Variants in NWD1 observed in about 807,000 individuals in gnomAD.
NWD1 encodes NACHT domain- and WD repeat-containing protein 1.
Under a neutral mutation model 135.1 loss-of-function variants are expected in NWD1, and 129 were observed. The ratio of observed to expected loss-of-function variants is 0.96; its 90% CI spans 0.83 to 1.11. The LOEUF is 1.11. NWD1 is among the 50% of genes least tolerant of loss of function. The pLI is 0.00. For synonymous variants in NWD1, 773 were observed against 786.0 expected, an observed-to-expected ratio of 0.98 and a Z score of 0.28; for missense variants, 1,740 against 1,851.3, an observed-to-expected ratio of 0.94 and a Z score of 1.10.
At position 16,762,088 on chromosome 19, in the gene NWD1, A is replaced by G. The variant is rs762564679; in HGVS notation, c.2083A>G (p.Lys695Glu). Reference sequence around the variant, plus strand: ...AGGGACCTGGAGCCAGGGTACCAAGAAGCTCATCACTCTGCCACTTGTGGG... The same window carrying G: ...AGGGACCTGGAGCCAGGGTACCAAGGAGCTCATCACTCTGCCACTTGTGGG... ...FSGTWSQGTKKLITLPLVGKP... is the reference protein window; with the variant it reads ...FSGTWSQGTKELITLPLVGKP... The change falls in exon 8 of 19, where the codon AAG (lysine) becomes GAG (glutamate). Residue 695 changes from lysine (K) to glutamate (E), a missense_variant. Transcript: ENST00000524140. 6.2e-7 allele frequency: 1 copy of G among 1,613,992 alleles called. No individual in the cohort carries two copies. Among genetic ancestry groups the G allele is most frequent in the Non-Finnish European group, 8.5e-7 (1 of 1,179,968 alleles).
chr19:16,742,915 T>TATTATC (rs1376284560), intron 4 of NWD1, among the ~76,000 whole-genome samples: 1 of 144,974 alleles, frequency 6.9e-6, no homozygotes, highest in Non-Finnish European at 1.5e-5. Context: ...TTATTATTAT[T>TATTATC]ATTATTATTT....
intron 1 of NWD1, 122 bp from the exon 2 acceptor site, chr19:16,724,244 T>C (rs1381328383): frequency 6.6e-6 from 1 of 152,216 alleles, no homozygotes; most frequent in Non-Finnish European, 1.5e-5. Context: ...CCAACCGCCT[T>C]GTTGATGTTT....
chr19:16,765,215 G>A (rs750042903), intron 10 of NWD1, 23 bp downstream of exon 10: 11 of 1,611,244 alleles, frequency 6.8e-6, no homozygotes, highest in African/African-American at 1.3e-5. Context: ...GGCCTGGATA[G>A]GAGTGACCAG....
At position 16,815,327 on chromosome 19, in the gene NWD1, T is replaced by TA; in HGVS notation, c.*295dup. Reference sequence around the variant, plus strand: ...ATGCTCACAAGTGTGCCTGATAGTGTAAAAAAATAAAAATAAAAAAACCCT... The same window carrying TA: ...ATGCTCACAAGTGTGCCTGATAGTGTAAAAAAAATAAAAATAAAAAAACCCT... On this transcript the variant is annotated 3_prime_UTR_variant, in exon 19 of 19. Coordinates refer to ENST00000524140, the MANE Select transcript of NWD1 (RefSeq NM_001007525.5). The TA allele has an allele frequency of 2.7e-6, 2 of 752,254 alleles. No homozygotes were observed. The highest frequency in any genetic ancestry group is 4.9e-5 in the East Asian group (2 of 40,872). The allele number at this position is 752,254 out of a possible 1,614,324, so 46.6% of individuals were successfully genotyped here.
rs1255951965 is a variant in NWD1 at position 16,735,855 on chromosome 19, AAGGAAGGAAGG to A, written c.82-766_82-756del. Among the ~76,000 whole-genome samples the A allele has an allele frequency of 2.5e-3, 132 of 52,376 alleles. 1 individual carries two copies. The highest frequency in any genetic ancestry group is 0.013 in the African/African-American group (115 of 8,920). The allele number at this position is 52,376 out of a possible 152,430, so 34.4% of individuals were successfully genotyped here. A position where few individuals can be genotyped will look rare whatever the true frequency, so the allele number is the denominator to read the frequency against. Reference sequence around the variant, plus strand: ...GAAGGAAGGAAGGAAGGAAGGAAGGAAGGAAGGAAGGAGGAAGGAAGGAAGGAAGGAAGGAA... The same window carrying A: ...GAAGGAAGGAAGGAAGGAAGGAAGGAAGGAAGGAAGGAAGGAAGGAAGGAA... On this transcript the variant is annotated intron_variant, in intron 3 of 18. Coordinates refer to ENST00000524140, the MANE Select transcript of NWD1 (RefSeq NM_001007525.5).
intron 1 of NWD1, among the ~76,000 whole-genome samples, chr19:16,723,626 A>C (rs10414525): frequency 0.43 from 65,748 of 151,896 alleles, 14,411 homozygotes; most frequent in Middle Eastern, 0.6. Context: ...GGCTGATTTT[A>C]ATTTATATCC....
chr19:16,785,923 G>T (rs577207852), intron 12 of NWD1, among the ~76,000 whole-genome samples: 1 of 151,974 alleles, frequency 6.6e-6, no homozygotes, highest in South Asian at 2.1e-4. Context: ...GGAGTGCAAT[G>T]ACATGATCTT....
intron 18 of NWD1, among the ~76,000 whole-genome samples, chr19:16,813,440 C>G (rs1347528507): frequency 6.6e-6 from 1 of 151,816 alleles, no homozygotes; most frequent in Non-Finnish European, 1.5e-5. Flanking sequence ...CATTCTTTGC[C>G]CCCGCCTTAT....
At chr19:16,812,989 C>T in intron 18 of NWD1, 1 of 654,126 alleles carries the variant, frequency 1.5e-6, no homozygotes, top group Non-Finnish European at 2.8e-6. Context: ...TGTCTGCAGG[C>T]AAAGGCAAAG....
chr19:16,758,082 C>T (rs1281700677), intron 6 of NWD1, among the ~76,000 whole-genome samples: 1 of 150,910 alleles, frequency 6.6e-6, no homozygotes, highest in Non-Finnish European at 1.5e-5. Flanking sequence ...GGAAAGAGTA[C>T]AGTGTTGGGT....
chr19:16,786,719 G>A (rs977472701), intron 12 of NWD1, among the ~76,000 whole-genome samples: 4 of 151,762 alleles, frequency 2.6e-5, no homozygotes, highest in Non-Finnish European at 4.4e-5. Flanking sequence ...GCTAACTTTC[G>A]TATTTTTAGT....
chr19:16,795,726 C>A (rs1055970612), intron 15 of NWD1, among the ~76,000 whole-genome samples: 7 of 152,088 alleles, frequency 4.6e-5, no homozygotes, highest in Non-Finnish European at 1.0e-4. Flanking sequence ...CTAATTTGCT[C>A]TTTTAGTTCC....
At position 16,807,615 on chromosome 19, in the gene NWD1, A is replaced by G; in HGVS notation, c.3766A>G (p.Ser1256Gly). 6.5e-7 allele frequency: 1 copy of G among 1,538,378 alleles called. No individual in the cohort carries two copies. Among genetic ancestry groups the G allele is most frequent in the Non-Finnish European group, 8.7e-7 (1 of 1,144,206 alleles). Residue 1256 changes from serine to glycine, a missense_variant, in exon 18 of 19, where the codon AGT becomes GGT. Coordinates refer to ENST00000524140, the MANE Select transcript of NWD1 (RefSeq NM_001007525.5). ...GGAACAAGATTCCCTGGACACCTCC[A>G]GTGAGATCAGGTGTCTGGAGGTTGC... is the stretch of plus-strand genomic sequence containing the variant. ...GEEQDSLDTS[S>G]EIRCLEVAEQ...
At chr19:16,768,126 C>G (rs527649177) in intron 10 of NWD1, among the ~76,000 whole-genome samples, 1 of 151,802 alleles carries the variant, frequency 6.6e-6, no homozygotes, top group African/African-American at 2.4e-5. Context: ...TCCAGAGTAG[C>G]TGGGATTACA....
intron 9 of NWD1, among the ~76,000 whole-genome samples, chr19:16,764,524 C>T (rs182109846): frequency 3.3e-5 from 5 of 151,944 alleles, no homozygotes; most frequent in Admixed American, 1.3e-4. Context: ...TCCATCCATC[C>T]ATCATTCTAT....
At position 16,736,694 on chromosome 19, in the gene NWD1, C is replaced by T. The variant is rs762324791; in HGVS notation, c.142C>T (p.Leu48Phe). The change falls in exon 4 of 19, where the codon CTC becomes TTC. Residue 48 changes from leucine to phenylalanine, a missense_variant. Physicochemically the swap from Leu to Phe is conservative, Grantham distance 22. Coordinates refer to ENST00000524140, the MANE Select transcript of NWD1 (RefSeq NM_001007525.5). ...AGCCACTGACCACTTGACCACAGAACTCTGCTTGGAGGAGGTTGACCGGTG... is the reference window on the plus strand; with the variant it reads ...AGCCACTGACCACTTGACCACAGAATTCTGCTTGGAGGAGGTTGACCGGTG... Reference protein sequence around the residue: ...IEATDHLTTELCLEEVDRCWK... With the variant: ...IEATDHLTTEFCLEEVDRCWK... The T allele has an allele frequency of 4.6e-6, 7 of 1,536,346 alleles. No homozygotes were observed. The highest frequency in any genetic ancestry group is 6.1e-6 in the Non-Finnish European group (7 of 1,146,908).
At chr19:16,756,145 T>A (rs59213967) in intron 6 of NWD1, among the ~76,000 whole-genome samples, 6,658 of 152,098 alleles carry the variant, frequency 0.044, 481 homozygotes, top group African/African-American at 0.15. Context: ...TCCAGCTACT[T>A]GGGAGGCTGA....
At position 16,749,660 on chromosome 19, in the gene NWD1, T is replaced by C; in HGVS notation, c.1018T>C (p.Phe340Leu). 1 of 1,602,258 alleles carries C rather than the reference T, an allele frequency of 6.2e-7. No homozygotes were observed. The highest frequency in any genetic ancestry group is 1.7e-4 in the Middle Eastern group (1 of 6,006). The change falls in exon 6 of 19, where the codon TTT (phenylalanine) becomes CTT (leucine). Residue 340 changes from phenylalanine (F) to leucine (L), a missense_variant. Phe to Leu is a conservative substitution (Grantham distance 22, BLOSUM62 0). Transcript: ENST00000524140. The stretch of plus-strand genomic sequence containing the variant: ...CAAGCAGCACACCCCCCTGGTACTC[T>C]TTGGGCCCCCAGGCATTGGAAAGAC... ...DSKQHTPLVLFGPPGIGKTAL... is the reference protein window; with the variant it reads ...DSKQHTPLVLLGPPGIGKTAL...
rs146583551 is a variant in NWD1, at chr19:16,727,078, A to G, written c.-7+2615A>G. 7.0e-3 allele frequency among the ~76,000 whole-genome samples: 1,069 copies of G among 152,282 alleles called. 11 individuals are homozygous for G. Among genetic ancestry groups the G allele is most frequent in the African/African-American group, 0.025 (1,033 of 41,564 alleles). ...TCTTGTCTGGGCTGTGGGGCTGGGC[A>G]TGGCTCCCAGCCTCTCCTCTGCACA... On this transcript the variant is annotated intron_variant, in intron 2 of 18. Coordinates refer to ENST00000524140, the MANE Select transcript of NWD1 (RefSeq NM_001007525.5).
Sources: allele counts gnomAD v4.1 joint callset (sites outside exome capture counted in the v4.1 genomes callset), GRCh38; gene constraint gnomAD v4.1.1; transcripts MANE v1.5; gene names NCBI Gene and HGNC (gene_info 2026-07-23, HGNC 2026-07-21).